Variants in ADGRF4 observed in about 807,000 individuals in gnomAD.
The protein encoded by ADGRF4 is G-protein coupled receptor PGR18.
A neutral mutation model predicts 58.5 loss-of-function variants in ADGRF4; 63 were observed. That is an observed-to-expected ratio of 1.08 (90% confidence interval 0.88 to 1.33). The LOEUF is 1.33. Among genes scored for constraint, ADGRF4 ranks in the 40% most tolerant of loss-of-function variants. The pLI, the probability that ADGRF4 is intolerant of heterozygous loss-of-function variation, is 0.00. For missense variants in ADGRF4, 931 were observed against 843.9 expected (o/e 1.10, Z -1.28); for synonymous variants, 313 against 295.4 (o/e 1.06, Z -0.61).
rs80193139 is a variant in ADGRF4 at position 47,711,850 on chromosome 6, A to G, written c.301-507A>G. Among the ~76,000 whole-genome samples, 660 of 152,194 alleles carry G rather than the reference A, an allele frequency of 4.3e-3. 3 individuals carry two copies. The highest frequency in any genetic ancestry group is 0.014 in the African/African-American group (575 of 41,512). On this transcript the variant is annotated intron_variant, in intron 4 of 9. Coordinates refer to ENST00000283303, the MANE Select transcript of ADGRF4 (RefSeq NM_153838.5). Reference sequence around the variant, plus strand: ...CCTAGAAGTCCTTGCAACTATGGTCACACTCGAAAGTGAATGAAAGGAAAT... The same window carrying G: ...CCTAGAAGTCCTTGCAACTATGGTCGCACTCGAAAGTGAATGAAAGGAAAT...
At position 47,710,989 on chromosome 6, in the gene ADGRF4, G is replaced by A. The variant is rs976474016; in HGVS notation, c.300+103G>A. On this transcript the variant is annotated intron_variant, in intron 4 of 9. Transcript: ENST00000283303. ...CAGCATGACAAAAAGTCTCAGATCC[G>A]CACTTAGAAAAATCTACAGAATGGG... The A allele has an allele frequency of 5.1e-5, 56 of 1,099,624 alleles. 1 individual carries two copies. The East Asian group carries it at 8.4e-4, about 16-fold the overall frequency. The allele number at this position is 1,099,624 out of a possible 1,614,324, so 68.1% of individuals were successfully genotyped here.
rs1231796515 is a variant in ADGRF4, at chr6:47,699,931, A to ACC, written c.-17+1138_-17+1139insCC. Among the ~76,000 whole-genome samples the ACC allele has an allele frequency of 1.0e-4, 12 of 115,062 alleles. 1 individual carries two copies. Among genetic ancestry groups the ACC allele is most frequent in the African/African-American group, 4.0e-4 (12 of 30,106 alleles). The allele number at this position is 115,062 out of a possible 152,430, so 75.5% of individuals were successfully genotyped here. A position where few individuals can be genotyped will look rare whatever the true frequency, so the allele number is the denominator to read the frequency against. On this transcript the variant is annotated intron_variant, in intron 1 of 9. Coordinates refer to ENST00000283303, the MANE Select transcript of ADGRF4 (RefSeq NM_153838.5). ...ACACACACACACACACACAGACGACACACCCCCCCCCCCAAAATGTGGGTC... is the reference window on the plus strand; with the variant it reads ...ACACACACACACACACACAGACGACACCCACCCCCCCCCCCAAAATGTGGGTC...
intron 4 of ADGRF4, among the ~76,000 whole-genome samples, chr6:47,711,924 A>G (rs1036385298): frequency 6.6e-6 from 1 of 152,232 alleles, no homozygotes; most frequent in African/African-American, 2.4e-5. Context: ...GAGTCTAGGT[A>G]AAAGAATCAG....
chr6:47,712,602 AATGAAGG>A lies in ADGRF4; in HGVS notation c.547_552+1del. 1 of 1,571,318 alleles carries A rather than the reference AATGAAGG, an allele frequency of 6.4e-7. No homozygotes were observed. The highest frequency in any genetic ancestry group is 8.8e-7 in the Non-Finnish European group (1 of 1,141,640). ...TGTCTGATAATGTTACTCGAGAGAA[AATGAAGG>A]TATTCTTTGTTAATCATTTAAAAAT... On this transcript the variant is annotated splice_donor_variant and coding_sequence_variant, in exon 5 of 10. Coordinates refer to ENST00000283303, the MANE Select transcript of ADGRF4 (RefSeq NM_153838.5). LOFTEE classifies it high-confidence loss of function.
At chr6:47,717,841 A>G (rs1347959563) in intron 8 of ADGRF4, among the ~76,000 whole-genome samples, 3 of 152,220 alleles carry the variant, frequency 2.0e-5, no homozygotes, top group Non-Finnish European at 4.4e-5. Flanking sequence ...TGAGTAAACC[A>G]TACTCTCTTG....
intron 3 of ADGRF4, among the ~76,000 whole-genome samples, chr6:47,709,112 A>G (rs1244706840): frequency 6.6e-6 from 1 of 150,916 alleles, no homozygotes; most frequent in African/African-American, 2.5e-5. Context: ...TTTCCAGTGA[A>G]TTCAGTCATC....
At chr6:47,708,791 G>A (rs746393317) in intron 3 of ADGRF4, among the ~76,000 whole-genome samples, 2 of 152,132 alleles carry the variant, frequency 1.3e-5, no homozygotes, top group African/African-American at 2.4e-5. Flanking sequence ...CATGTAGTAG[G>A]GAATAACTGG....
At chr6:47,720,417 G>A (rs577636037) in intron 9 of ADGRF4, among the ~76,000 whole-genome samples, 1 of 152,276 alleles carries the variant, frequency 6.6e-6, no homozygotes, top group Admixed American at 6.5e-5. Flanking sequence ...GTCAGAACTG[G>A]ACTTGCAAGG....
At chr6:47,716,996 AC>A in intron 7 of ADGRF4, 149 bp downstream of exon 7, 3 of 649,774 alleles carry the variant, frequency 4.6e-6, no homozygotes, top group South Asian at 1.9e-5. Context: ...GAAAAAAAAA[AC>A]ACACCAATAT....
rs752018619 is a variant in ADGRF4, at chr6:47,718,451, T to C, written c.*3+6T>C. ...TGAATCGTCAAGGATGAAATGTGAG[T>C]ATTAAAAATATAAAGAGAAATTTCA... On this transcript the variant is annotated splice_donor_region_variant and intron_variant, in intron 9 of 9. Coordinates refer to ENST00000283303, the MANE Select transcript of ADGRF4 (RefSeq NM_153838.5). 9.2e-6 allele frequency: 14 copies of C among 1,515,128 alleles called. No homozygotes were observed. The highest frequency in any genetic ancestry group is 5.0e-5 in the Admixed American group (3 of 59,840). The allele number at this position is 1,515,128 out of a possible 1,614,324, so 93.9% of individuals were successfully genotyped here.
chr6:47,701,237 C>T (rs1417990207), intron 1 of ADGRF4, among the ~76,000 whole-genome samples: 3 of 152,032 alleles, frequency 2.0e-5, no homozygotes, highest in African/African-American at 4.8e-5. Context: ...GGAGCCTGGC[C>T]TCCATTCAGC....
At chr6:47,701,767 C>T (rs1771592167) in intron 1 of ADGRF4, among the ~76,000 whole-genome samples, 1 of 152,150 alleles carries the variant, frequency 6.6e-6, no homozygotes, top group South Asian at 2.1e-4. Context: ...TGTTTTCCTC[C>T]AAGATAACAT....
chr6:47,719,162 A>T (rs958030172), intron 9 of ADGRF4, among the ~76,000 whole-genome samples: 6 of 152,198 alleles, frequency 3.9e-5, no homozygotes, highest in Non-Finnish European at 7.3e-5. Context: ...TGGTCCATAT[A>T]TTGAGCAATG....
At chr6:47,707,379 C>G in intron 2 of ADGRF4, 41 bp downstream of exon 2, 1 of 1,150,220 alleles carries the variant, frequency 8.7e-7, no homozygotes, top group Non-Finnish European at 1.3e-6. Context: ...GGAGAAATCT[C>G]TCAGTTGCCC....
At position 47,721,639 on chromosome 6, in the gene ADGRF4, T is replaced by C. The variant is rs1772162046; in HGVS notation, c.*434T>C. The C allele has an allele frequency of 6.6e-6, 1 of 152,002 alleles. No homozygotes were observed. Among genetic ancestry groups the C allele is most frequent in the African/African-American group, 2.4e-5 (1 of 41,346 alleles). The allele number at this position is 152,002 out of a possible 1,614,324, so 9.4% of individuals were successfully genotyped here. A position where few individuals can be genotyped will look rare whatever the true frequency, so the allele number is the denominator to read the frequency against. On this transcript the variant is annotated 3_prime_UTR_variant, in exon 10 of 10. Transcript: ENST00000283303. Reference sequence around the variant, plus strand: ...TCCTGGGTACTTTGGACAGTGAGGGTTCGATCCAATTTTAGGGGTAGGGTT... The same window carrying C: ...TCCTGGGTACTTTGGACAGTGAGGGCTCGATCCAATTTTAGGGGTAGGGTT...
intron 5 of ADGRF4, 47 bp downstream of exon 5, chr6:47,712,655 C>T (rs1422701053): frequency 7.0e-7 from 1 of 1,432,746 alleles, no homozygotes; most frequent in Non-Finnish European, 9.7e-7. Context: ...TTAAAATTTT[C>T]ATTTGAATAG....
At chr6:47,709,963 G>A (rs145038358) in intron 3 of ADGRF4, among the ~76,000 whole-genome samples, 223 of 152,002 alleles carry the variant, frequency 1.5e-3, no homozygotes, top group Non-Finnish European at 2.5e-3. Flanking sequence ...GCTGGAATGT[G>A]TCTTATGGAG....
chr6:47,712,445 G>C lies in ADGRF4; in HGVS notation c.389G>C (p.Ser130Thr). ...TTTCGAGCTCCAGAGACCATTGAGAGTGTAGCTCAAGGAATCCGTAAGAAC... is the reference window on the plus strand; with the variant it reads ...TTTCGAGCTCCAGAGACCATTGAGACTGTAGCTCAAGGAATCCGTAAGAAC... ...LDFRAPETIE[S>T]VAQGIRKNCP... The change falls in exon 5 of 10, where the codon AGT becomes ACT. Residue 130 changes from serine to threonine, a missense_variant. Transcript: ENST00000283303. 6.2e-7 allele frequency: 1 copy of C among 1,614,024 alleles called. No homozygotes were observed.
At chr6:47,706,750 C>T (rs1312562128) in intron 1 of ADGRF4, among the ~76,000 whole-genome samples, 1 of 152,220 alleles carries the variant, frequency 6.6e-6, no homozygotes, top group Non-Finnish European at 1.5e-5. Context: ...CGTGGCTCTA[C>T]CACTTTTTAT....
Sources: allele counts gnomAD v4.1 joint callset (sites outside exome capture counted in the v4.1 genomes callset), GRCh38; gene constraint gnomAD v4.1.1; transcripts MANE v1.5; gene names NCBI Gene and HGNC (gene_info 2026-07-23, HGNC 2026-07-21).